Variants in NRCAM observed in about 807,000 individuals in gnomAD.
NRCAM encodes the protein NgCAM-related cell adhesion molecule.
In NRCAM, 83 loss-of-function variants were observed where a neutral mutation model predicts 156.5. The observed-to-expected ratio is 0.53, with a 90% CI of 0.44 to 0.64. The LOEUF is 0.64. Among genes scored for constraint, NRCAM ranks in the 30% least tolerant of loss-of-function variants. The probability of loss-of-function intolerance (pLI) is 0.00; values close to 1 mark genes in which losing one functional copy is unlikely to be tolerated. For missense variants in NRCAM, 1,417 were observed against 1,597.3 expected, an observed-to-expected ratio of 0.89 and a Z score of 1.92; for synonymous variants, 538 against 563.9, an observed-to-expected ratio of 0.95 and a Z score of 0.65.
Position 108,337,626 on chromosome 7 carries a change from C to T in NRCAM, c.-173-24895G>A, listed in dbSNP as rs933378883. 8.5e-5 allele frequency among the ~76,000 whole-genome samples: 13 copies of T among 152,296 alleles called. No individual in the cohort carries two copies. The East Asian group carries it at 1.2e-3, about 14-fold the overall frequency. On this transcript the variant is annotated intron_variant, in intron 2 of 32. Coordinates refer to ENST00000379028, the MANE Select transcript of NRCAM (RefSeq NM_001037132.4). The stretch of plus-strand genomic sequence containing the variant: ...TTCCACAGTTCTCTTCCATGACCCA[C>T]GGCTTTTAATAGAGCTATAACACTC...
rs1327949837 is a variant in NRCAM, at chr7:108,226,237, T to G, written c.692A>C (p.Lys231Thr). Residue 231 changes from lysine to threonine, a missense_variant, in exon 9 of 33, where the codon AAG becomes ACG. Physicochemically the swap from Lys to Thr is moderately conservative, Grantham distance 78. Coordinates refer to ENST00000379028, the MANE Select transcript of NRCAM (RefSeq NM_001037132.4). Reference protein sequence around the residue: ...RFNHTQTIQQKQPISVKVISV... With the variant: ...RFNHTQTIQQTQPISVKVISV... ...AATCACCTTCACAGAAATAGGTTGC[T>G]TCTGCTGTATGGTTTGAGTATGATT... 1 of 1,605,014 alleles carries G rather than the reference T, an allele frequency of 6.2e-7. No homozygotes were observed. The highest frequency in any genetic ancestry group is 1.3e-5 in the African/African-American group (1 of 74,852).
intron 27 of NRCAM, 33 bp from the exon 28 acceptor site, chr7:108,175,390 T>C (rs1241856236): frequency 2.6e-6 from 4 of 1,539,888 alleles, no homozygotes; most frequent in Non-Finnish European, 2.6e-6. Flanking sequence ...TAGGACACTA[T>C]ATAGTTAGAT....
intron 2 of NRCAM, among the ~76,000 whole-genome samples, chr7:108,333,340 T>C (rs1230446632): frequency 1.3e-5 from 2 of 152,200 alleles, no homozygotes; most frequent in Non-Finnish European, 2.9e-5. Flanking sequence ...TATAAGAATA[T>C]ACTACATAGA....
chr7:108,280,516 C>G (rs1219590424), intron 3 of NRCAM, among the ~76,000 whole-genome samples: 1 of 152,162 alleles, frequency 6.6e-6, no homozygotes, highest in African/African-American at 2.4e-5. Context: ...TGGAGACCTC[C>G]CACTGGACAG....
At chr7:108,454,898 C>T (rs1257764964) in intron 1 of NRCAM, among the ~76,000 whole-genome samples, 1 of 152,246 alleles carries the variant, frequency 6.6e-6, no homozygotes, top group Non-Finnish European at 1.5e-5. Flanking sequence ...CAGGACAGTT[C>T]TGCGCCGGTG....
chr7:108,303,834 CT>C (rs1056461436), intron 3 of NRCAM, among the ~76,000 whole-genome samples: 5 of 152,090 alleles, frequency 3.3e-5, no homozygotes, highest in Non-Finnish European at 5.9e-5. Flanking sequence ...CTACATTTAC[CT>C]TTATATCACT....
intron 11 of NRCAM, among the ~76,000 whole-genome samples, chr7:108,212,941 C>T (rs1364905748): frequency 1.3e-5 from 2 of 152,144 alleles, no homozygotes; most frequent in African/African-American, 4.8e-5. Flanking sequence ...GGCACATTGT[C>T]ATCAGGTTAT....
chr7:108,455,955 G>C (rs968695976), intron 1 of NRCAM, among the ~76,000 whole-genome samples: 1 of 152,222 alleles, frequency 6.6e-6, no homozygotes, highest in African/African-American at 2.4e-5. Flanking sequence ...ACAGGCTGGA[G>C]GGGGTGGTGG....
intron 2 of NRCAM, among the ~76,000 whole-genome samples, chr7:108,389,769 C>T (rs2099753702): frequency 6.6e-6 from 1 of 152,018 alleles, no homozygotes; most frequent in Non-Finnish European, 1.5e-5. Context: ...GCATGAAGGG[C>T]TGTTGAATTT....
chr7:108,237,833 T>C, intron 4 of NRCAM, 64 bp from the exon 5 acceptor site: 2 of 1,293,258 alleles, frequency 1.5e-6, no homozygotes, highest in South Asian at 1.5e-5. Context: ...CAGATGTTAA[T>C]AATAAGAACG....
intron 8 of NRCAM, among the ~76,000 whole-genome samples, chr7:108,228,805 T>C (rs2093883803): frequency 6.6e-6 from 1 of 152,184 alleles, no homozygotes; most frequent in South Asian, 2.1e-4. Context: ...AAGCCATAAG[T>C]CACTTATTTA....
chr7:108,358,082 T>C (rs1185631626), intron 2 of NRCAM, among the ~76,000 whole-genome samples: 1 of 151,986 alleles, frequency 6.6e-6, no homozygotes, highest in East Asian at 1.9e-4. Context: ...TCCCCTCAAA[T>C]GGTCTTTAGC....
chr7:108,371,630 G>A lies in NRCAM; in HGVS notation c.-174+27806C>T, dbSNP rs146866984. On this transcript the variant is annotated intron_variant, in intron 2 of 32. Coordinates refer to ENST00000379028, the MANE Select transcript of NRCAM (RefSeq NM_001037132.4). ...ATGTGTTGAATATCTCTAGGTGTAA[G>A]GCACTAGAATTGCCACTGTGGATAT... 4.0e-3 allele frequency among the ~76,000 whole-genome samples: 612 copies of A among 152,186 alleles called. 3 individuals are homozygous for A. Among genetic ancestry groups the A allele is most frequent in the Non-Finnish European group, 6.8e-3 (461 of 67,984 alleles).
chr7:108,314,701 G>T (rs1364489009), intron 2 of NRCAM, among the ~76,000 whole-genome samples: 1 of 152,168 alleles, frequency 6.6e-6, no homozygotes, highest in Non-Finnish European at 1.5e-5. Context: ...AGAGTAAATT[G>T]CTATGGATTG....
intron 2 of NRCAM, among the ~76,000 whole-genome samples, chr7:108,319,056 G>A (rs193258536): frequency 1.3e-5 from 2 of 152,104 alleles, no homozygotes; most frequent in African/African-American, 2.4e-5. Context: ...TTCTAAGATG[G>A]ATATGATAAT....
At chr7:108,379,287 T>A (rs1434429816) in intron 2 of NRCAM, among the ~76,000 whole-genome samples, 1 of 152,144 alleles carries the variant, frequency 6.6e-6, no homozygotes, top group African/African-American at 2.4e-5. Context: ...AAGGAACGTA[T>A]AATGAAATAT....
chr7:108,376,871 T>C (rs1201057177), intron 2 of NRCAM, among the ~76,000 whole-genome samples: 1 of 152,118 alleles, frequency 6.6e-6, no homozygotes, highest in Non-Finnish European at 1.5e-5. Flanking sequence ...AGAATAACTT[T>C]GAGAGAGAGT....
intron 10 of NRCAM, among the ~76,000 whole-genome samples, chr7:108,224,924 T>C (rs1423019243): frequency 2.6e-5 from 4 of 152,308 alleles, no homozygotes; most frequent in South Asian, 2.1e-4. Flanking sequence ...TAATGTCTTT[T>C]ACTTATATCT....
At chr7:108,220,720 T>C (rs2091936512) in intron 11 of NRCAM, among the ~76,000 whole-genome samples, 1 of 152,160 alleles carries the variant, frequency 6.6e-6, no homozygotes, top group Non-Finnish European at 1.5e-5. Flanking sequence ...AGAACTTAAA[T>C]CTAAGACCTG....
Sources: allele counts gnomAD v4.1 joint callset (sites outside exome capture counted in the v4.1 genomes callset), GRCh38; gene constraint gnomAD v4.1.1; transcripts MANE v1.5; gene names NCBI Gene and HGNC (gene_info 2026-07-23, HGNC 2026-07-21).